TSPAN5: variants seen among roughly 807,000 people sequenced by gnomAD.
TSPAN5 encodes the protein tetraspanin-5.
A neutral mutation model predicts 37.1 loss-of-function variants in TSPAN5; 10 were observed. The ratio of observed to expected loss-of-function variants is 0.27; its 90% CI spans 0.17 to 0.46. The LOEUF is 0.46. Among genes scored for constraint, TSPAN5 ranks in the 20% least tolerant of loss-of-function variants. TSPAN5 has a pLI of 1.00. For synonymous variants in TSPAN5, 110 were observed against 118.9 expected (o/e 0.93, Z 0.48); for missense variants, 195 against 326.6 (o/e 0.60, Z 3.11).
chr4:98,506,379 C>T (rs774224407), intron 2 of TSPAN5, among the ~76,000 whole-genome samples: 1 of 152,188 alleles, frequency 6.6e-6, no homozygotes, highest in Non-Finnish European at 1.5e-5. Flanking sequence ...TAATCACTGC[C>T]CTGCCTCAAA....
At chr4:98,585,385 C>T (rs1236368720) in intron 1 of TSPAN5, among the ~76,000 whole-genome samples, 2 of 152,082 alleles carry the variant, frequency 1.3e-5, no homozygotes, top group Admixed American at 6.5e-5. Flanking sequence ...TCTTGGCTTA[C>T]TGCGACCTCT....
intron 1 of TSPAN5, among the ~76,000 whole-genome samples, chr4:98,620,166 C>G (rs1242491039): frequency 1.0e-5 from 1 of 97,600 alleles, no homozygotes; most frequent in East Asian, 2.1e-4. Context: ...GGAAATGACG[C>G]TATGTAACAA....
chr4:98,544,010 T>C (rs1310606977), intron 1 of TSPAN5, among the ~76,000 whole-genome samples: 4 of 151,982 alleles, frequency 2.6e-5, no homozygotes, highest in African/African-American at 7.3e-5. Context: ...AGATCTTGTC[T>C]CTACAAGAAA....
intron 4 of TSPAN5, among the ~76,000 whole-genome samples, chr4:98,481,656 G>T (rs1358664783): frequency 1.3e-5 from 2 of 152,162 alleles, no homozygotes; most frequent in Non-Finnish European, 2.9e-5. Context: ...GGATAAGAAA[G>T]AATCCATATT....
At chr4:98,590,252 C>G (rs1205791224) in intron 1 of TSPAN5, among the ~76,000 whole-genome samples, 6 of 152,098 alleles carry the variant, frequency 3.9e-5, no homozygotes, top group Non-Finnish European at 8.8e-5. Context: ...GGGACCTGAG[C>G]CAGGAAGCTG....
chr4:98,477,804 G>A (rs143035408), intron 5 of TSPAN5, among the ~76,000 whole-genome samples: 1 of 151,936 alleles, frequency 6.6e-6, no homozygotes, highest in Non-Finnish European at 1.5e-5. Context: ...GACCACGGGT[G>A]TGTGCCACCA....
chr4:98,591,122 A>T (rs1476945767), intron 1 of TSPAN5, among the ~76,000 whole-genome samples: 4 of 136,280 alleles, frequency 2.9e-5, no homozygotes, highest in South Asian at 2.4e-4. Flanking sequence ...TTACAGACAT[A>T]TTTTTTTTAG....
chr4:98,607,943 G>A (rs997085337), intron 1 of TSPAN5, among the ~76,000 whole-genome samples: 1 of 151,976 alleles, frequency 6.6e-6, no homozygotes, highest in Non-Finnish European at 1.5e-5. Flanking sequence ...ACTCCTGACC[G>A]CAAGTGATCC....
intron 1 of TSPAN5, among the ~76,000 whole-genome samples, chr4:98,583,242 T>C (rs985258166): frequency 1.8e-4 from 27 of 152,240 alleles, no homozygotes; most frequent in African/African-American, 6.3e-4. Flanking sequence ...TCTCCCTTTT[T>C]TAGGCCCACT....
chr4:98,647,549 T>C (rs185544782), intron 1 of TSPAN5, among the ~76,000 whole-genome samples: 97 of 152,310 alleles, frequency 6.4e-4, no homozygotes, highest in Non-Finnish European at 1.1e-3. Context: ...AGAAAAATTT[T>C]CCAACAAGTA....
At chr4:98,607,723 T>C (rs1028618360) in intron 1 of TSPAN5, among the ~76,000 whole-genome samples, 2 of 152,144 alleles carry the variant, frequency 1.3e-5, no homozygotes, top group African/African-American at 4.8e-5. Context: ...TTTTTTTTTT[T>C]TTTTGAGATG....
chr4:98,563,874 A>C (rs1275075691), intron 1 of TSPAN5, among the ~76,000 whole-genome samples: 1 of 152,190 alleles, frequency 6.6e-6, no homozygotes, highest in East Asian at 1.9e-4. Context: ...TCTAGTGGGT[A>C]GAGGTTGGGG....
chr4:98,507,705 T>C lies in TSPAN5; in HGVS notation c.105A>G (p.Gly35=). 1 of 1,611,582 alleles carries C rather than the reference T, an allele frequency of 6.2e-7. No individual in the cohort carries two copies. The change falls in exon 2 of 8, where the codon GGA becomes GGG. Residue 35 remains glycine, a synonymous_variant. Transcript: ENST00000305798. ...IFWFLGITFL[G]IGLWAWNEKG... ...TTTCATTCCATGCCCACAGTCCAAT[T>C]CCAAGAAATGTTATTCCCAAAAACT...
intron 1 of TSPAN5, among the ~76,000 whole-genome samples, chr4:98,519,455 G>A (rs998323260): frequency 6.6e-6 from 1 of 152,122 alleles, no homozygotes; most frequent in Non-Finnish European, 1.5e-5. Context: ...GTATGATCAC[G>A]TCACTGCATT....
intron 1 of TSPAN5, among the ~76,000 whole-genome samples, chr4:98,598,827 C>T (rs1052094170): frequency 2.0e-5 from 3 of 152,100 alleles, no homozygotes; most frequent in South Asian, 2.1e-4. Context: ...TCATTTTCTA[C>T]GTTCAAAGGC....
intron 1 of TSPAN5, among the ~76,000 whole-genome samples, chr4:98,508,185 G>A (rs1753521193): frequency 6.6e-6 from 1 of 152,170 alleles, no homozygotes; most frequent in Non-Finnish European, 1.5e-5. Context: ...AGCCTTGGAT[G>A]TCCCTCTTTG....
At chr4:98,485,528 A>G (rs1348763093) in intron 3 of TSPAN5, 1 of 152,112 alleles carries the variant, frequency 6.6e-6, no homozygotes, top group East Asian at 1.9e-4. Context: ...TATCTGTAAG[A>G]CCAGGTACCC....
At chr4:98,507,257 A>G (rs560252012) in intron 2 of TSPAN5, among the ~76,000 whole-genome samples, 5 of 152,330 alleles carry the variant, frequency 3.3e-5, no homozygotes, top group South Asian at 2.1e-4. Context: ...CACATAACAC[A>G]CTAAAAAAAA....
At chr4:98,540,605 TG>T (rs1754337629) in intron 1 of TSPAN5, among the ~76,000 whole-genome samples, 1 of 152,216 alleles carries the variant, frequency 6.6e-6, no homozygotes. Flanking sequence ...CCCAAAGTCC[TG>T]GGATTACAGA....
Sources: allele counts gnomAD v4.1 joint callset (sites outside exome capture counted in the v4.1 genomes callset), GRCh38; gene constraint gnomAD v4.1.1; transcripts MANE v1.5; gene names NCBI Gene and HGNC (gene_info 2026-07-23, HGNC 2026-07-21).